P2RX1: variants seen among roughly 807,000 people sequenced by gnomAD.
P2RX1 encodes purinergic receptor P2X 1, also known as P2X purinoceptor 1.
A neutral mutation model predicts 50.3 loss-of-function variants in P2RX1; 42 were observed. The ratio of observed to expected loss-of-function variants is 0.83; its 90% CI spans 0.65 to 1.08. P2RX1 has a LOEUF of 1.08. Ranked by LOEUF, P2RX1 falls within the 50% of genes least tolerant of loss-of-function variation. P2RX1 has a pLI of 0.00. For synonymous variants in P2RX1, 199 were observed against 202.6 expected (o/e 0.98, Z 0.15); for missense variants, 449 against 529.0 (o/e 0.85, Z 1.48).
At chr17:3,904,793 A>C in intron 3 of P2RX1, 65 bp downstream of exon 3, 1 of 1,290,234 alleles carries the variant, frequency 7.8e-7, no homozygotes, top group Admixed American at 2.0e-5. Flanking sequence ...GCCCCTGGAG[A>C]CTTTCTCTGC....
chr17:3,898,162 G>A (rs367700542), intron 10 of P2RX1, 52 bp from the exon 11 acceptor site: 19 of 1,479,134 alleles, frequency 1.3e-5, no homozygotes, highest in Middle Eastern at 1.8e-4. Context: ...GGGTGGGTAC[G>A]GAGCCCTCCA....
In P2RX1 at chr17:3,897,509, T is replaced by G. The variant is rs1597506444; in HGVS notation, c.*305A>C. 3.9e-6 allele frequency: 2 copies of G among 515,784 alleles called. No homozygotes were observed. The highest frequency in any genetic ancestry group is 3.5e-6 in the Non-Finnish European group (1 of 283,688). 32.0% of individuals were successfully genotyped at this position (515,784 alleles called of 1,614,324 possible). ...GAGGCAGCGGGTTGGATAATGAGAG[T>G]CCGGAGAGAGAAGCACGAAGCTAGG... On this transcript the variant is annotated 3_prime_UTR_variant, in exon 12 of 12. Transcript: ENST00000225538.
intron 1 of P2RX1, among the ~76,000 whole-genome samples, chr17:3,912,447 C>T (rs947281986): frequency 6.6e-6 from 1 of 152,110 alleles, no homozygotes; most frequent in African/African-American, 2.4e-5. Context: ...TCTCCTGCTT[C>T]AGCCTCCCGA....
chr17:3,903,059 G>C lies in P2RX1; in HGVS notation c.747+143C>G. On this transcript the variant is annotated intron_variant, in intron 7 of 11. Transcript: ENST00000225538. This position sits in a 1 kb window ranked among gnomAD's most constrained non-coding sequence, Gnocchi z 4.6. ...GCTGAAGACATGGATCTGACGCTCA[G>C]GGGGCCCCAGTATCAGGGGACAGAC... 4 of 1,138,272 alleles carry C rather than the reference G, an allele frequency of 3.5e-6. No homozygotes were observed. Among genetic ancestry groups the C allele is most frequent in the Non-Finnish European group, 5.1e-6 (4 of 787,374 alleles). 70.5% of individuals were successfully genotyped at this position (1,138,272 alleles called of 1,614,324 possible).
At chr17:3,905,128 G>T in intron 2 of P2RX1, 92 bp downstream of exon 2, 2 of 1,518,790 alleles carry the variant, frequency 1.3e-6, no homozygotes, top group Non-Finnish European at 1.8e-6. Context: ...AGAAAGAGGA[G>T]CTGGGCTGGT....
At chr17:3,911,830 C>T (rs2056370641) in intron 1 of P2RX1, among the ~76,000 whole-genome samples, 1 of 152,212 alleles carries the variant, frequency 6.6e-6, no homozygotes, top group Non-Finnish European at 1.5e-5. Context: ...TGTGTCCCGA[C>T]AGGAGAGCCT....
At chr17:3,913,686 C>G (rs2144081099) in intron 1 of P2RX1, among the ~76,000 whole-genome samples, 1 of 152,334 alleles carries the variant, frequency 6.6e-6, no homozygotes, top group South Asian at 2.1e-4. Flanking sequence ...TCCCTCTGTC[C>G]AGGTCTGTCT....
At chr17:3,902,563 T>A (rs1455181817) in intron 7 of P2RX1, among the ~76,000 whole-genome samples, 1 of 152,068 alleles carries the variant, frequency 6.6e-6, no homozygotes, top group Non-Finnish European at 1.5e-5. Context: ...CTCAAAGTGC[T>A]GGGATTACAG....
chr17:3,914,713 AAGG>A lies in P2RX1; in HGVS notation c.137+1373_137+1375del, dbSNP rs1264188172. Among the ~76,000 whole-genome samples the A allele has an allele frequency of 2.0e-5, 3 of 152,236 alleles. No homozygotes were observed. The highest frequency in any genetic ancestry group is 7.2e-5 in the African/African-American group (3 of 41,558). On this transcript the variant is annotated intron_variant, in intron 1 of 11. Transcript: ENST00000225538. The surrounding 1 kb of genome is among the most constrained non-coding windows in gnomAD (Gnocchi z 4.1). ...TCCACAGCCCCTTGTGATGGTGAGG[AAGG>A]AGAAGGCACAGCAGAGGCCTGGGGG...
At position 3,899,651 on chromosome 17, in the gene P2RX1, G is replaced by A. The variant is rs2056099152; in HGVS notation, c.858C>T (p.Ser286=). The A allele has an allele frequency of 6.2e-7, 1 of 1,613,492 alleles. No homozygotes were observed. The highest frequency in any genetic ancestry group is 1.3e-5 in the African/African-American group (1 of 74,882). Reference sequence around the variant, plus strand: ...GCAGACACCTGAAGTTGAAGCCTGGGGAGAGATTTTTCTCTTCGTACAGCC... The same window carrying A: ...GCAGACACCTGAAGTTGAAGCCTGGAGAGAGATTTTTCTCTTCGTACAGCC... The part of the protein sequence containing the change: ...FHGLYEEKNL[S]PGFNFRFARH... Residue 286 remains serine (S), a synonymous_variant, in exon 8 of 12, where the codon TCC becomes TCT. Coordinates refer to ENST00000225538, the MANE Select transcript of P2RX1 (RefSeq NM_002558.4).
intron 1 of P2RX1, among the ~76,000 whole-genome samples, chr17:3,911,295 C>CT (rs759043431): frequency 6.6e-6 from 1 of 151,692 alleles, no homozygotes; most frequent in Non-Finnish European, 1.5e-5. Flanking sequence ...GTCTGTTTTT[C>CT]TTTCTTTCTT....
At chr17:3,915,124 G>A (rs2056426842) in intron 1 of P2RX1, among the ~76,000 whole-genome samples, 1 of 152,114 alleles carries the variant, frequency 6.6e-6, no homozygotes, top group Non-Finnish European at 1.5e-5. Flanking sequence ...GCAGGCAGGG[G>A]CTACTGGGCA....
Position 3,903,223 on chromosome 17 carries a change from G to A in P2RX1, c.726C>T (p.Asn242=), listed in dbSNP as rs1282960544. ...ATACCTTCTCAGCCAGGGTGCTGAA[G>A]TTCTGGCCTGACTCTTGCACCACGT... ...LGYVVQESGQ[N]FSTLAEKGGV... Residue 242 remains asparagine (N), a synonymous_variant, in exon 7 of 12, where the codon AAC becomes AAT. Transcript: ENST00000225538. This position sits in a 1 kb window ranked among gnomAD's most constrained non-coding sequence, Gnocchi z 4.6. 6.2e-7 allele frequency: 1 copy of A among 1,614,048 alleles called. No homozygotes were observed. The highest frequency in any genetic ancestry group is 1.3e-5 in the African/African-American group (1 of 74,940).
At chr17:3,907,434 T>G (rs900664745) in intron 1 of P2RX1, among the ~76,000 whole-genome samples, 2 of 151,990 alleles carry the variant, frequency 1.3e-5, no homozygotes, top group African/African-American at 4.8e-5. Flanking sequence ...CGAGCTCACC[T>G]GTCCAAGGGG....
At chr17:3,904,278 T>G in intron 4 of P2RX1, 52 bp downstream of exon 4, 1 of 1,553,092 alleles carries the variant, frequency 6.4e-7, no homozygotes, top group Non-Finnish European at 8.9e-7. Context: ...CTGCAGGACG[T>G]CAGGGACCGC....
At chr17:3,915,128 C>T (rs895031944) in intron 1 of P2RX1, among the ~76,000 whole-genome samples, 11 of 152,142 alleles carry the variant, frequency 7.2e-5, no homozygotes, top group Non-Finnish European at 1.3e-4. Flanking sequence ...GCAGGGGCTA[C>T]TGGGCACCCC....
chr17:3,903,464 C>T lies in P2RX1; in HGVS notation c.605+87G>A, dbSNP rs1309163158. 3 of 1,590,010 alleles carry T rather than the reference C, an allele frequency of 1.9e-6. No individual in the cohort carries two copies. The highest frequency in any genetic ancestry group is 2.7e-5 in the African/African-American group (2 of 74,544). On this transcript the variant is annotated intron_variant, in intron 6 of 11. Transcript: ENST00000225538. This position sits in a 1 kb window ranked among gnomAD's most constrained non-coding sequence, Gnocchi z 4.6. ...GCCCCTTTGATTCCTTCCACGCCAG[C>T]AGGAATGGAGGGAGACAGAGACAGC...
intron 7 of P2RX1, among the ~76,000 whole-genome samples, chr17:3,901,421 T>G (rs1232348927): frequency 6.6e-6 from 1 of 152,172 alleles, no homozygotes; most frequent in East Asian, 1.9e-4. Context: ...GCATGTGTGT[T>G]GCTCCGGCAT....
In P2RX1 at chr17:3,897,347, G is replaced by A. The variant is rs892037664; in HGVS notation, c.*467C>T. Reference sequence around the variant, plus strand: ...CCAGTATGGCAGCCACTAACCACACGTATCTACTGAGCAGTTGAAATGTGG... The same window carrying A: ...CCAGTATGGCAGCCACTAACCACACATATCTACTGAGCAGTTGAAATGTGG... On this transcript the variant is annotated 3_prime_UTR_variant, in exon 12 of 12. Coordinates refer to ENST00000225538, the MANE Select transcript of P2RX1 (RefSeq NM_002558.4). 1.7e-5 allele frequency: 4 copies of A among 239,554 alleles called. No homozygotes were observed. The highest frequency in any genetic ancestry group is 2.2e-5 in the African/African-American group (1 of 45,100). The allele number at this position is 239,554 out of a possible 1,614,324, so 14.8% of individuals were successfully genotyped here.
Sources: allele counts gnomAD v4.1 joint callset (sites outside exome capture counted in the v4.1 genomes callset), GRCh38; gene constraint gnomAD v4.1.1; non-coding constraint Gnocchi (gnomAD v3.1); transcripts MANE v1.5; gene names NCBI Gene and HGNC (gene_info 2026-07-23, HGNC 2026-07-21).